NXPE3: variants seen among roughly 807,000 people sequenced by gnomAD.
NXPE3 encodes neurexophilin and PC-esterase domain family member 3.
NXPE3 carries 26 observed loss-of-function variants against 46.1 expected under a neutral mutation model. That is an observed-to-expected ratio of 0.56 (90% CI 0.41 to 0.78). The LOEUF is 0.78. Among genes scored for constraint, NXPE3 ranks in the 30% least tolerant of loss-of-function variants. The pLI, the probability that NXPE3 is intolerant of heterozygous loss-of-function variation, is 0.00. For missense variants in NXPE3, 620 were observed against 686.0 expected (o/e 0.90, Z 1.07); for synonymous variants, 272 against 257.9 (o/e 1.05, Z -0.52).
rs189913344 is a variant in NXPE3, at chr3:101,793,234, T to C, written c.93+7545T>C. ...AACAGAGATAGTTTGATTTCCTCTCTTCCTATTTGGATGCCCTTTATTTCT... is the reference window on the plus strand; with the variant it reads ...AACAGAGATAGTTTGATTTCCTCTCCTCCTATTTGGATGCCCTTTATTTCT... On this transcript the variant is annotated intron_variant, in intron 4 of 7. Coordinates refer to ENST00000273347, the MANE Select transcript of NXPE3 (RefSeq NM_145037.4). 3.8e-3 allele frequency among the ~76,000 whole-genome samples: 580 copies of C among 152,336 alleles called. 4 individuals carry two copies. The highest frequency in any genetic ancestry group is 0.017 in the Middle Eastern group (5 of 294).
Position 101,822,182 on chromosome 3 carries a change from T to G in NXPE3, c.*228T>G. 6.4e-6 allele frequency: 3 copies of G among 469,998 alleles called. No individual in the cohort carries two copies. The highest frequency in any genetic ancestry group is 8.2e-5 in the South Asian group (2 of 24,518). The allele number at this position is 469,998 out of a possible 1,614,324, so 29.1% of individuals were successfully genotyped here. A position where few individuals can be genotyped will look rare whatever the true frequency, so the allele number is the denominator to read the frequency against. ...ACTTAGCCATGGTAGAACTCTTAAC[T>G]GCATCTACACACTATATTGCTCTTG... On this transcript the variant is annotated 3_prime_UTR_variant, in exon 8 of 8. Coordinates refer to ENST00000273347, the MANE Select transcript of NXPE3 (RefSeq NM_145037.4).
chr3:101,783,193 C>G (rs1477368149), intron 3 of NXPE3, among the ~76,000 whole-genome samples: 1 of 152,194 alleles, frequency 6.6e-6, no homozygotes, highest in East Asian at 1.9e-4. Context: ...TCCCGAGTAG[C>G]TGGGACTACA....
At chr3:101,818,716 TA>T (rs1188859613) in intron 7 of NXPE3, among the ~76,000 whole-genome samples, 2,873 of 35,888 alleles carry the variant, frequency 0.08, 160 homozygotes, top group Non-Finnish European at 0.086. Flanking sequence ...TATGACAATT[TA>T]TATATATATA....
chr3:101,800,313 C>T (rs1245927151), intron 4 of NXPE3, among the ~76,000 whole-genome samples: 1 of 151,856 alleles, frequency 6.6e-6, no homozygotes, highest in Non-Finnish European at 1.5e-5. Context: ...TGTATGTTAC[C>T]CATTTGTATA....
rs1942459409 is a variant in NXPE3, at chr3:101,825,616, G to A, written c.*3662G>A. ...ATACTTATAGAGAATATGTAATTTG[G>A]GTCTGTGTTTTTTACATATAAATAT... On this transcript the variant is annotated 3_prime_UTR_variant, in exon 8 of 8. Transcript: ENST00000273347. The A allele has an allele frequency of 6.6e-6, 1 of 151,904 alleles. No individual in the cohort carries two copies. The highest frequency in any genetic ancestry group is 2.4e-5 in the African/African-American group (1 of 41,360). 9.4% of individuals were successfully genotyped at this position (151,904 alleles called of 1,614,324 possible).
In NXPE3 at chr3:101,801,864, C is replaced by T; in HGVS notation, c.723C>T (p.Leu241=). 1 of 1,614,210 alleles carries T rather than the reference C, an allele frequency of 6.2e-7. No individual in the cohort carries two copies. ...TGCCCCTGTGTAACTTTACAGACCT[C>T]TACACTGGGGAGCCCTGGTTCTGCT... is the stretch of plus-strand genomic sequence containing the variant. ...GNLPLCNFTD[L]YTGEPWFCFK... The change falls in exon 5 of 8, where the codon CTC becomes CTT. Residue 241 remains leucine (L), a synonymous_variant. Transcript: ENST00000273347.
intron 5 of NXPE3, among the ~76,000 whole-genome samples, chr3:101,804,381 G>A (rs1941311575): frequency 6.6e-6 from 1 of 152,196 alleles, no homozygotes; most frequent in Admixed American, 6.5e-5. Context: ...CCTGGGTGAG[G>A]CTGGTTGATG....
rs1426938010 is a variant in NXPE3, at chr3:101,824,048, C to CCTTGATTGTGCCACTGTACTCCAGTCTGG, written c.*2095_*2123dup. The stretch of plus-strand genomic sequence containing the variant: ...AGAAGGTTGCAGAGGTTGCAGTGAG[C>CCTTGATTGTGCCACTGTACTCCAGTCTGG]CTTGATTGTGCCACTGTACTCCAGT... On this transcript the variant is annotated 3_prime_UTR_variant, in exon 8 of 8. Coordinates refer to ENST00000273347, the MANE Select transcript of NXPE3 (RefSeq NM_145037.4). The CCTTGATTGTGCCACTGTACTCCAGTCTGG allele has an allele frequency of 6.6e-6, 1 of 150,446 alleles. No individual in the cohort carries two copies. The highest frequency in any genetic ancestry group is 2.5e-5 in the African/African-American group (1 of 40,522). 9.3% of individuals were successfully genotyped at this position (150,446 alleles called of 1,614,324 possible).
intron 5 of NXPE3, among the ~76,000 whole-genome samples, chr3:101,803,511 G>A (rs1457977431): frequency 1.3e-5 from 2 of 152,200 alleles, no homozygotes; most frequent in East Asian, 3.8e-4. Context: ...TTATTCGTGG[G>A]TTCAGGTTTC....
At chr3:101,795,121 C>T (rs1560044031) in intron 4 of NXPE3, among the ~76,000 whole-genome samples, 1 of 152,222 alleles carries the variant, frequency 6.6e-6, no homozygotes, top group East Asian at 1.9e-4. Flanking sequence ...TTGTCAGTCT[C>T]TCACTCTCTA....
chr3:101,793,282 T>C (rs1373218573), intron 4 of NXPE3, among the ~76,000 whole-genome samples: 1 of 152,168 alleles, frequency 6.6e-6, no homozygotes, highest in Non-Finnish European at 1.5e-5. Context: ...ATCCTCTGGC[T>C]AGGATTTCCA....
chr3:101,781,186 G>T (rs1164994420), intron 1 of NXPE3, among the ~76,000 whole-genome samples: 1 of 152,162 alleles, frequency 6.6e-6, no homozygotes, highest in African/African-American at 2.4e-5. Flanking sequence ...CACTTGCTGT[G>T]ACTAGTACAG....
At chr3:101,789,171 G>A (rs117164259) in intron 4 of NXPE3, among the ~76,000 whole-genome samples, 4 of 151,818 alleles carry the variant, frequency 2.6e-5, no homozygotes, top group East Asian at 1.9e-4. Flanking sequence ...TAATTGTCTC[G>A]TCCTAGTTTC....
At chr3:101,784,594 GTC>G in intron 3 of NXPE3, among the ~76,000 whole-genome samples, 1 of 152,170 alleles carries the variant, frequency 6.6e-6, no homozygotes, top group East Asian at 1.9e-4. Flanking sequence ...TTCATGGAAA[GTC>G]TCCCTGGGGA....
In NXPE3 at chr3:101,822,563, AAAG is replaced by A. The variant is rs1456675983; in HGVS notation, c.*613_*615del. On this transcript the variant is annotated 3_prime_UTR_variant, in exon 8 of 8. Coordinates refer to ENST00000273347, the MANE Select transcript of NXPE3 (RefSeq NM_145037.4). ...TTACAATTTCCTGCTTTTATCTAGA[AAAG>A]AAGCAAAAGGGAAATATGAAAGCAG... 1 of 152,286 alleles carries A rather than the reference AAAG, an allele frequency of 6.6e-6. No homozygotes were observed. The highest frequency in any genetic ancestry group is 1.5e-5 in the Non-Finnish European group (1 of 68,110). The allele number at this position is 152,286 out of a possible 1,614,324, so 9.4% of individuals were successfully genotyped here.
At chr3:101,788,935 T>C (rs4683855) in intron 4 of NXPE3, among the ~76,000 whole-genome samples, 2,293 of 152,270 alleles carry the variant, frequency 0.015, 26 homozygotes, top group Admixed American at 0.031. Flanking sequence ...TTAAGTCTTA[T>C]TTACATTGTC....
At chr3:101,780,666 T>G (rs890769204) in intron 1 of NXPE3, among the ~76,000 whole-genome samples, 1 of 152,234 alleles carries the variant, frequency 6.6e-6, no homozygotes, top group Admixed American at 6.5e-5. Flanking sequence ...CCACGATGAT[T>G]ATTAATGTTC....
At chr3:101,806,604 A>G (rs1289860449) in intron 5 of NXPE3, among the ~76,000 whole-genome samples, 1 of 152,188 alleles carries the variant, frequency 6.6e-6, no homozygotes, top group Admixed American at 6.5e-5. Flanking sequence ...ATGAGTAAGT[A>G]TCTGGGGGGC....
intron 6 of NXPE3, among the ~76,000 whole-genome samples, chr3:101,813,446 TC>T (rs1321463812): frequency 6.6e-6 from 1 of 152,224 alleles, no homozygotes; most frequent in Admixed American, 6.5e-5. Flanking sequence ...TTTTTCTCTT[TC>T]GTTTTGTTCC....
Sources: allele counts gnomAD v4.1 joint callset (sites outside exome capture counted in the v4.1 genomes callset), GRCh38; gene constraint gnomAD v4.1.1; transcripts MANE v1.5; gene names NCBI Gene and HGNC (gene_info 2026-07-23, HGNC 2026-07-21).